PRPF39: variants seen among roughly 807,000 people sequenced by gnomAD.
PRPF39 encodes pre-mRNA processing factor 39.
In PRPF39, 27 loss-of-function variants were observed where a neutral mutation model predicts 82.1. That is an observed-to-expected ratio of 0.33 (90% CI 0.24 to 0.45). The LOEUF (loss-of-function observed/expected upper bound fraction) is 0.45. Ranked by LOEUF, PRPF39 falls within the 20% of genes least tolerant of loss-of-function variation. The pLI is 1.00. For synonymous variants in PRPF39, 261 were observed against 256.4 expected, an observed-to-expected ratio of 1.02 and a Z score of -0.17; for missense variants, 581 against 796.9, an observed-to-expected ratio of 0.73 and a Z score of 3.26.
chr14:45,094,709 A>G (rs1884144677), intron 1 of PRPF39, among the ~76,000 whole-genome samples: 1 of 152,246 alleles, frequency 6.6e-6, no homozygotes, highest in African/African-American at 2.4e-5. Flanking sequence ...ATATTTAAGC[A>G]ATATGATTTT....
intron 1 of PRPF39, among the ~76,000 whole-genome samples, chr14:45,092,176 G>A (rs767103671): frequency 3.7e-4 from 57 of 152,302 alleles, no homozygotes; most frequent in Middle Eastern, 6.8e-3. Context: ...TCACTTACAT[G>A]AGATTAACTA....
intron 7 of PRPF39, 54 bp from the exon 8 acceptor site, chr14:45,109,562 C>T: frequency 6.9e-7 from 1 of 1,451,274 alleles, no homozygotes; most frequent in Non-Finnish European, 9.4e-7. Flanking sequence ...TGTACATGTG[C>T]ATATTTTGGT....
intron 5 of PRPF39, among the ~76,000 whole-genome samples, chr14:45,103,517 A>G (rs1884438608): frequency 6.6e-6 from 1 of 152,006 alleles, no homozygotes; most frequent in African/African-American, 2.4e-5. Context: ...GTGATTTTCT[A>G]AATTTTTTTT....
intron 4 of PRPF39, among the ~76,000 whole-genome samples, chr14:45,099,918 A>AT (rs1384031365): frequency 4.6e-5 from 7 of 151,854 alleles, no homozygotes; most frequent in Admixed American, 4.6e-4. Flanking sequence ...CTGTTTACCC[A>AT]TTTTCATCTC....
chr14:45,094,156 GTAAA>G (rs763991949), intron 1 of PRPF39, among the ~76,000 whole-genome samples: 2 of 151,862 alleles, frequency 1.3e-5, no homozygotes, highest in African/African-American at 2.4e-5. Context: ...TATTTTAAGA[GTAAA>G]TCAGTTTTAT....
chr14:45,107,238 G>A (rs577474433), intron 5 of PRPF39, among the ~76,000 whole-genome samples: 1 of 152,268 alleles, frequency 6.6e-6, no homozygotes, highest in Admixed American at 6.5e-5. Context: ...GTAAAGGTAG[G>A]AAGAAATTGA....
At position 45,110,760 on chromosome 14, in the gene PRPF39, A is replaced by T; in HGVS notation, c.1515A>T (p.Ile505=). 2 of 1,555,250 alleles carry T rather than the reference A, an allele frequency of 1.3e-6. No individual in the cohort carries two copies. Among genetic ancestry groups the T allele is most frequent in the Non-Finnish European group, 1.7e-6 (2 of 1,148,570 alleles). ...AACTAGCCCGGCATCTTTTCAAAAT[A>T]CAGAAAAACCTTCCAAAATCAAGAA... The part of the protein sequence containing the change: ...AVKLARHLFK[I]QKNLPKSRKV... The change falls in exon 10 of 14, where the codon ATA becomes ATT. Residue 505 remains isoleucine (I), a synonymous_variant. Transcript: ENST00000355765. The surrounding 1 kb of genome is among the most constrained non-coding windows in gnomAD (Gnocchi z 4.0).
chr14:45,099,147 C>A (rs938431181), intron 4 of PRPF39, among the ~76,000 whole-genome samples: 1 of 152,072 alleles, frequency 6.6e-6, no homozygotes, highest in Non-Finnish European at 1.5e-5. Context: ...TAAAAATGAG[C>A]TTTGATGTGG....
At position 45,116,047 on chromosome 14, in the gene PRPF39, G is replaced by T; in HGVS notation, c.*1134G>T. Reference sequence around the variant, plus strand: ...ATAAGGGATTTATCTCTCAAAAGCTGGGACCAAGTAAACAAATTTTATTAA... The same window carrying T: ...ATAAGGGATTTATCTCTCAAAAGCTTGGACCAAGTAAACAAATTTTATTAA... On this transcript the variant is annotated 3_prime_UTR_variant, in exon 14 of 14. Transcript: ENST00000355765. The T allele has an allele frequency of 1.7e-6, 1 of 578,456 alleles. No homozygotes were observed. The highest frequency in any genetic ancestry group is 2.7e-5 in the East Asian group (1 of 36,400). 35.8% of individuals were successfully genotyped at this position (578,456 alleles called of 1,614,324 possible). A position where few individuals can be genotyped will look rare whatever the true frequency, so the allele number is the denominator to read the frequency against.
At chr14:45,113,723 T>G (rs1381422338) in intron 11 of PRPF39, among the ~76,000 whole-genome samples, 1 of 152,224 alleles carries the variant, frequency 6.6e-6, no homozygotes, top group Non-Finnish European at 1.5e-5. Flanking sequence ...TAGTTATTAC[T>G]GGATTCTGAT....
intron 1 of PRPF39, among the ~76,000 whole-genome samples, chr14:45,091,716 T>C (rs1028545512): frequency 1.3e-5 from 2 of 152,070 alleles, no homozygotes; most frequent in South Asian, 4.1e-4. Context: ...TACTTACTCA[T>C]AGTTAAGGAA....
Position 45,097,020 on chromosome 14 carries a change from G to T in PRPF39, c.569+15G>T. 1 of 1,510,692 alleles carries T rather than the reference G, an allele frequency of 6.6e-7. No individual in the cohort carries two copies. Among genetic ancestry groups the T allele is most frequent in the Non-Finnish European group, 8.8e-7 (1 of 1,135,454 alleles). 93.6% of individuals were successfully genotyped at this position (1,510,692 alleles called of 1,614,324 possible). ...ACAATAAGAGGGTATGTGGAACATT[G>T]ATACTGAAATGTTTTTTATGATATA... On this transcript the variant is annotated intron_variant, in intron 4 of 13. Transcript: ENST00000355765.
At chr14:45,089,218 T>A (rs913167014) in intron 1 of PRPF39, among the ~76,000 whole-genome samples, 11 of 152,230 alleles carry the variant, frequency 7.2e-5, no homozygotes, top group African/African-American at 2.7e-4. Flanking sequence ...TCTAGGAATT[T>A]TATAGTTTTA....
chr14:45,113,479 C>A (rs1009977472), intron 11 of PRPF39, among the ~76,000 whole-genome samples: 5 of 152,128 alleles, frequency 3.3e-5, no homozygotes, highest in Admixed American at 6.6e-5. Flanking sequence ...GAGGACTGAA[C>A]CTACTTCAGA....
At chr14:45,093,859 C>G (rs192617316) in intron 1 of PRPF39, among the ~76,000 whole-genome samples, 43 of 152,290 alleles carry the variant, frequency 2.8e-4, no homozygotes, top group Admixed American at 2.6e-3. Flanking sequence ...CCGGCCAAAG[C>G]AGTCTTTTTC....
chr14:45,095,289 C>T lies in PRPF39; in HGVS notation c.50C>T (p.Thr17Ile), dbSNP rs1295119979. The T allele has an allele frequency of 6.2e-7, 1 of 1,610,976 alleles. No homozygotes were observed. Among genetic ancestry groups the T allele is most frequent in the Non-Finnish European group, 8.5e-7 (1 of 1,177,722 alleles). ...DEYRNSSNGSTGNSSEVVVEH... is the reference protein window; with the variant it reads ...DEYRNSSNGSIGNSSEVVVEH... The stretch of plus-strand genomic sequence containing the variant: ...TACAGAAATTCTAGTAATGGCAGCA[C>T]AGGCAACAGTTCAGAGGTAGTGGTA... Residue 17 changes from threonine (T) to isoleucine (I), a missense_variant, in exon 2 of 14, where the codon ACA (threonine) becomes ATA (isoleucine). Transcript: ENST00000355765.
intron 4 of PRPF39, among the ~76,000 whole-genome samples, chr14:45,098,358 G>A (rs1044117036): frequency 2.0e-5 from 3 of 151,678 alleles, no homozygotes; most frequent in East Asian, 1.9e-4. Context: ...CAAGAGAATC[G>A]CTTGAACCTG....
At chr14:45,086,354 A>G (rs1883827794) in intron 1 of PRPF39, among the ~76,000 whole-genome samples, 1 of 152,236 alleles carries the variant, frequency 6.6e-6, no homozygotes, top group Non-Finnish European at 1.5e-5. Flanking sequence ...TCATAATTAT[A>G]CTAAAAGTGA....
At chr14:45,108,740 A>G (rs972526966) in intron 7 of PRPF39, among the ~76,000 whole-genome samples, 1 of 152,172 alleles carries the variant, frequency 6.6e-6, no homozygotes, top group African/African-American at 2.4e-5. Flanking sequence ...GAATTGCAAG[A>G]TATCTGCTTA....
Sources: allele counts gnomAD v4.1 joint callset (sites outside exome capture counted in the v4.1 genomes callset), GRCh38; gene constraint gnomAD v4.1.1; non-coding constraint Gnocchi (gnomAD v3.1); transcripts MANE v1.5; gene names NCBI Gene and HGNC (gene_info 2026-07-23, HGNC 2026-07-21).